VIT: variants seen among roughly 807,000 people sequenced by gnomAD.
VIT encodes vitrin.
A neutral mutation model predicts 78.0 loss-of-function variants in VIT; 99 were observed. The observed-to-expected ratio is 1.27, with a 90% CI of 1.08 to 1.50. The LOEUF (loss-of-function observed/expected upper bound fraction) is 1.50. Among genes scored for constraint, VIT ranks in the 40% most tolerant of loss-of-function variants. VIT has a pLI of 0.00. For missense variants in VIT, 1,126 were observed against 875.3 expected, an observed-to-expected ratio of 1.29 and a Z score of -3.61; for synonymous variants, 374 against 334.3, an observed-to-expected ratio of 1.12 and a Z score of -1.29.
intron 3 of VIT, among the ~76,000 whole-genome samples, chr2:36,733,890 C>T (rs144019873): frequency 9.8e-5 from 15 of 152,324 alleles, no homozygotes; most frequent in African/African-American, 2.6e-4. Flanking sequence ...ATCATCTAAC[C>T]GTTAGCGTCG....
chr2:36,735,425 A>AG (rs1195459518), intron 3 of VIT, among the ~76,000 whole-genome samples: 1 of 152,216 alleles, frequency 6.6e-6, no homozygotes, highest in Non-Finnish European at 1.5e-5. Flanking sequence ...TTGCTGGGGT[A>AG]GGGGGTGGAA....
chr2:36,770,870 A>G (rs1475730415), intron 7 of VIT, among the ~76,000 whole-genome samples: 3 of 152,222 alleles, frequency 2.0e-5, no homozygotes, highest in Admixed American at 6.5e-5. Flanking sequence ...AGGGTAGACC[A>G]GGGAGGGGAG....
At chr2:36,776,967 T>G (rs1670099027) in intron 9 of VIT, among the ~76,000 whole-genome samples, 1 of 149,326 alleles carries the variant, frequency 6.7e-6, no homozygotes, top group Admixed American at 6.8e-5. Flanking sequence ...CGGGCGCCTG[T>G]AGTCCCAGCT....
chr2:36,767,358 C>T (rs989046072), intron 7 of VIT, 73 bp downstream of exon 7: 27 of 1,383,116 alleles, frequency 2.0e-5, no homozygotes, highest in Non-Finnish European at 2.6e-5. Context: ...ACAGCTCTGT[C>T]TGAGCATCTA....
intron 14 of VIT, among the ~76,000 whole-genome samples, chr2:36,806,039 T>C (rs1247203040): frequency 6.6e-6 from 1 of 152,060 alleles, no homozygotes; most frequent in Admixed American, 6.6e-5. Context: ...CTTTCTCCTG[T>C]ATACACACAT....
chr2:36,803,400 C>G (rs1023027226), intron 13 of VIT, among the ~76,000 whole-genome samples: 1 of 152,190 alleles, frequency 6.6e-6, no homozygotes, highest in African/African-American at 2.4e-5. Flanking sequence ...TCAAGACCCA[C>G]TGGAAGGTGG....
At chr2:36,783,803 G>C (rs919713733) in intron 11 of VIT, among the ~76,000 whole-genome samples, 16 of 152,174 alleles carry the variant, frequency 1.1e-4, no homozygotes, top group South Asian at 2.1e-4. Context: ...GAATCTATAA[G>C]ATGGAAGGTG....
At chr2:36,792,984 G>T (rs1484987862) in intron 12 of VIT, among the ~76,000 whole-genome samples, 1 of 152,146 alleles carries the variant, frequency 6.6e-6, no homozygotes, top group African/African-American at 2.4e-5. Flanking sequence ...TCATCTGGGA[G>T]GCTGTTAGAA....
rs769339404 is a variant in VIT, at chr2:36,808,514, A to G, written c.1432A>G (p.Ser478Gly). The G allele has an allele frequency of 1.9e-6, 3 of 1,613,372 alleles. No homozygotes were observed. The South Asian group carries it at 3.3e-5, about 18-fold the overall frequency. Reference protein sequence around the residue: ...TNGFYSLHVQSWFGLHKTLQP... With the variant: ...TNGFYSLHVQGWFGLHKTLQP... ...CGGCTTCTACTCGCTCCACGTGCAGAGCTGGTTTGGCCTCCACAAGACCCT... is the reference window on the plus strand; with the variant it reads ...CGGCTTCTACTCGCTCCACGTGCAGGGCTGGTTTGGCCTCCACAAGACCCT... Residue 478 changes from serine (S) to glycine (G), a missense_variant, in exon 15 of 16, where the codon AGC (serine) becomes GGC (glycine). Transcript: ENST00000379242.
intron 1 of VIT, among the ~76,000 whole-genome samples, chr2:36,710,081 C>T (rs1398011505): frequency 6.6e-6 from 1 of 152,096 alleles, no homozygotes; most frequent in African/African-American, 2.4e-5. Context: ...TCCTAACAGA[C>T]CACATATAAT....
intron 1 of VIT, among the ~76,000 whole-genome samples, chr2:36,701,397 A>G (rs1264066188): frequency 6.6e-6 from 1 of 152,210 alleles, no homozygotes. Context: ...CTTGTCGCAG[A>G]AAGAATCATG....
chr2:36,727,387 G>A (rs17019619), intron 2 of VIT, among the ~76,000 whole-genome samples: 4,202 of 152,280 alleles, frequency 0.028, 154 homozygotes, highest in East Asian at 0.081. Flanking sequence ...GCTATTTGGA[G>A]ATTGGCCATC....
chr2:36,737,220 A>T (rs1374065516), intron 3 of VIT, among the ~76,000 whole-genome samples: 1 of 152,206 alleles, frequency 6.6e-6, no homozygotes, highest in East Asian at 1.9e-4. Flanking sequence ...GACTAAGCCC[A>T]CATACCATGG....
intron 2 of VIT, among the ~76,000 whole-genome samples, chr2:36,722,955 A>G (rs985808619): frequency 2.6e-5 from 4 of 151,226 alleles, no homozygotes; most frequent in Non-Finnish European, 4.4e-5. Flanking sequence ...TATCATTTAT[A>G]TAAGATTCTA....
chr2:36,786,991 T>C, intron 11 of VIT, 138 bp from the exon 12 acceptor site: 2 of 1,064,522 alleles, frequency 1.9e-6, no homozygotes, highest in Admixed American at 2.3e-5. Context: ...TAAATAAATA[T>C]ACCCTGCATC....
At chr2:36,754,841 G>C in intron 4 of VIT, 80 bp from the exon 5 acceptor site, 1 of 1,489,130 alleles carries the variant, frequency 6.7e-7, no homozygotes, top group Non-Finnish European at 9.1e-7. Flanking sequence ...AAATAAAGAT[G>C]GCGACTGGTT....
At chr2:36,743,387 T>C (rs1297603268) in intron 4 of VIT, 131 bp downstream of exon 4, 32 of 1,062,956 alleles carry the variant, frequency 3.0e-5, no homozygotes, top group Non-Finnish European at 4.0e-5. Context: ...TTATTTAATC[T>C]TCATTTAAAA....
chr2:36,760,181 G>T (rs1186779773), intron 6 of VIT, among the ~76,000 whole-genome samples: 4 of 151,972 alleles, frequency 2.6e-5, no homozygotes, highest in Non-Finnish European at 5.9e-5. Flanking sequence ...TTTTAGTAGA[G>T]ACGGGGTTTC....
chr2:36,758,635 C>T (rs948725714), intron 5 of VIT, among the ~76,000 whole-genome samples: 1 of 152,204 alleles, frequency 6.6e-6, no homozygotes, highest in African/African-American at 2.4e-5. Flanking sequence ...TTCCCGTTCA[C>T]CTACTGATAC....
Sources: allele counts gnomAD v4.1 joint callset (sites outside exome capture counted in the v4.1 genomes callset), GRCh38; gene constraint gnomAD v4.1.1; transcripts MANE v1.5; gene names NCBI Gene and HGNC (gene_info 2026-07-23, HGNC 2026-07-21).